Variants in GRID1 observed in about 807,000 individuals in gnomAD.
The protein encoded by GRID1 is glutamate receptor ionotropic, delta-1.
In GRID1, 28 loss-of-function variants were observed where a neutral mutation model predicts 98.0. That is an observed-to-expected ratio of 0.29 (90% confidence interval 0.21 to 0.39). The LOEUF (loss-of-function observed/expected upper bound fraction) is 0.39. Ranked by LOEUF, GRID1 falls within the 10% of genes least tolerant of loss-of-function variation. The pLI is 1.00. For missense variants in GRID1, 1,111 were observed against 1,340.5 expected (o/e 0.83, Z 2.67); for synonymous variants, 553 against 538.5 (o/e 1.03, Z -0.37).
At chr10:85,610,424 G>A (rs1182692865) in intron 15 of GRID1, among the ~76,000 whole-genome samples, 1 of 152,172 alleles carries the variant, frequency 6.6e-6, no homozygotes, top group Admixed American at 6.5e-5. Context: ...TTGAGCTCCA[G>A]GAGGTATGAT....
intron 4 of GRID1, among the ~76,000 whole-genome samples, chr10:86,053,266 A>G (rs1274161272): frequency 6.6e-6 from 1 of 152,226 alleles, no homozygotes; most frequent in Non-Finnish European, 1.5e-5. Context: ...TTTACAAAGA[A>G]AAAAGAAAAA....
chr10:86,107,639 C>T (rs1589373621), intron 4 of GRID1, among the ~76,000 whole-genome samples: 1 of 152,206 alleles, frequency 6.6e-6, no homozygotes. Flanking sequence ...GCCTGCCATG[C>T]CCCTATCCTG....
At chr10:85,614,782 A>G (rs1458592129) in intron 14 of GRID1, among the ~76,000 whole-genome samples, 1 of 152,156 alleles carries the variant, frequency 6.6e-6, no homozygotes, top group Non-Finnish European at 1.5e-5. Flanking sequence ...CATGTGTGCA[A>G]TGGTGGGACA....
At chr10:86,334,080 G>T in intron 2 of GRID1, among the ~76,000 whole-genome samples, 1 of 151,916 alleles carries the variant, frequency 6.6e-6, no homozygotes, top group African/African-American at 2.4e-5. Context: ...ATCACTCATG[G>T]CAAAGGCTGC....
chr10:86,250,911 A>G (rs191171790), intron 2 of GRID1, among the ~76,000 whole-genome samples: 1 of 152,372 alleles, frequency 6.6e-6, no homozygotes, highest in Non-Finnish European at 1.5e-5. Flanking sequence ...AAAGGGGGAA[A>G]TGTGGGGAAA....
intron 2 of GRID1, among the ~76,000 whole-genome samples, chr10:86,258,932 G>A (rs1846967317): frequency 6.6e-6 from 1 of 152,194 alleles, no homozygotes; most frequent in Non-Finnish European, 1.5e-5. Flanking sequence ...AAAAATTCCT[G>A]GAACTGAACG....
chr10:86,294,965 C>T (rs1023940053), intron 2 of GRID1, among the ~76,000 whole-genome samples: 2 of 151,914 alleles, frequency 1.3e-5, no homozygotes, highest in Admixed American at 6.6e-5. Flanking sequence ...ACAGTGGGGG[C>T]GGGACAGGTA....
rs1430165019 is a variant in GRID1, at chr10:86,215,638, T to C, written c.236-8990A>G. ...TCGAAAGCAACTGAGCAATGGGGCT[T>C]CCTGAAGCACTCCCAGGAACCCAAG... On this transcript the variant is annotated intron_variant, in intron 2 of 15. Transcript: ENST00000327946. Among the ~76,000 whole-genome samples the C allele has an allele frequency of 1.3e-5, 2 of 152,086 alleles. 1 individual carries two copies.
rs148997166 is a variant in GRID1 at position 85,864,787 on chromosome 10, A to G, written c.951+4223T>C. On this transcript the variant is annotated intron_variant, in intron 6 of 15. Coordinates refer to ENST00000327946, the MANE Select transcript of GRID1 (RefSeq NM_017551.3). ...AATGATTCAATCAAGCCATTCGACA[A>G]TTTTAAAATGCACAAAGAAGAGAAA... 1.4e-4 allele frequency among the ~76,000 whole-genome samples: 22 copies of G among 152,320 alleles called. 1 individual carries two copies. The highest frequency in any genetic ancestry group is 5.9e-4 in the Admixed American group (9 of 15,298).
intron 4 of GRID1, among the ~76,000 whole-genome samples, chr10:85,927,741 C>T (rs1841795837): frequency 6.6e-6 from 1 of 152,142 alleles, no homozygotes; most frequent in African/African-American, 2.4e-5. Flanking sequence ...GGAACAGAAT[C>T]AGGTAAATGG....
rs550855667 is a variant in GRID1 at position 86,195,644 on chromosome 10, C to A, written c.520+10720G>T. 1.8e-4 allele frequency among the ~76,000 whole-genome samples: 27 copies of A among 152,266 alleles called. No homozygotes were observed. The South Asian group carries it at 5.6e-3, about 32-fold the overall frequency. On this transcript the variant is annotated intron_variant, in intron 3 of 15. Transcript: ENST00000327946. The surrounding 1 kb of genome is among the most constrained non-coding windows in gnomAD (Gnocchi z 4.4). Reference sequence around the variant, plus strand: ...GGGGTTGGCAGCAAACAAGCCCCCGCGGCGACCACGCCATCAGGTGGGTAA... The same window carrying A: ...GGGGTTGGCAGCAAACAAGCCCCCGAGGCGACCACGCCATCAGGTGGGTAA...
intron 2 of GRID1, among the ~76,000 whole-genome samples, chr10:86,247,843 A>G (rs1339401059): frequency 2.6e-5 from 4 of 152,200 alleles, no homozygotes; most frequent in Non-Finnish European, 5.9e-5. Context: ...GAGGCCTGGC[A>G]TAGGCACAGA....
intron 3 of GRID1, among the ~76,000 whole-genome samples, chr10:86,194,234 T>C (rs1448858853): frequency 6.6e-6 from 1 of 152,134 alleles, no homozygotes; most frequent in East Asian, 1.9e-4. Flanking sequence ...CATGAGGATG[T>C]ATCCACGGCT....
intron 4 of GRID1, among the ~76,000 whole-genome samples, chr10:86,058,715 C>T (rs986016247): frequency 2.0e-5 from 3 of 152,228 alleles, no homozygotes; most frequent in Middle Eastern, 3.2e-3. Context: ...CATTAAACTT[C>T]TTAATCTGCA....
In GRID1 at chr10:86,366,760, C is replaced by G. The variant is rs928492173; in HGVS notation, c.-368G>C. Among the ~76,000 whole-genome samples, 21 of 150,378 alleles carry G rather than the reference C, an allele frequency of 1.4e-4. No homozygotes were observed. Among genetic ancestry groups the G allele is most frequent in the South Asian group, 6.2e-4 (3 of 4,806 alleles). On this transcript the variant is annotated 5_prime_UTR_variant, in exon 1 of 16. Coordinates refer to ENST00000327946, the MANE Select transcript of GRID1 (RefSeq NM_017551.3). This position sits in a 1 kb window ranked among gnomAD's most constrained non-coding sequence, Gnocchi z 4.1. ...GCCGGGCCGGCGTGGCGGCTCTGGG[C>G]TGGCTGTGTGTCTGAGCCCCGGCGA... is the stretch of plus-strand genomic sequence containing the variant.
chr10:86,197,293 C>T (rs1845889041), intron 3 of GRID1, among the ~76,000 whole-genome samples: 1 of 152,068 alleles, frequency 6.6e-6, no homozygotes, highest in South Asian at 2.1e-4. Flanking sequence ...ACAGCCAGCC[C>T]AAAGCCTCTG....
chr10:85,879,504 C>A (rs1205141979), intron 5 of GRID1, among the ~76,000 whole-genome samples: 1 of 152,140 alleles, frequency 6.6e-6, no homozygotes, highest in African/African-American at 2.4e-5. Flanking sequence ...AACTGAACAA[C>A]CTGCTCCTGA....
intron 4 of GRID1, among the ~76,000 whole-genome samples, chr10:85,927,862 G>A (rs1841797649): frequency 6.6e-6 from 1 of 152,166 alleles, no homozygotes; most frequent in Non-Finnish European, 1.5e-5. Context: ...ACAAGCGAGA[G>A]CATTTTAAAA....
intron 4 of GRID1, among the ~76,000 whole-genome samples, chr10:86,022,548 C>T (rs1228604602): frequency 6.6e-6 from 1 of 152,116 alleles, no homozygotes; most frequent in South Asian, 2.1e-4. Context: ...AGTTCTGACG[C>T]TCTTTTTTTT....
Sources: gnomAD v4.1 joint callset for allele counts (sites outside exome capture counted in the v4.1 genomes callset) on GRCh38, gnomAD v4.1.1 for gene constraint, Gnocchi (gnomAD v3.1) non-coding constraint, MANE v1.5 for transcripts, NCBI Gene and HGNC (gene_info 2026-07-23, HGNC 2026-07-21) for gene names.